The following SEC16B variants were observed in gnomAD, a reference collection of about 807,000 sequenced individuals.
SEC16B encodes the protein protein transport protein Sec16B.
SEC16B carries 115 observed loss-of-function variants against 141.8 expected under a neutral mutation model. That is an observed-to-expected ratio of 0.81 (90% CI 0.70 to 0.95). The LOEUF is 0.95. Among genes scored for constraint, SEC16B ranks in the 40% least tolerant of loss-of-function variants. The pLI, the probability that SEC16B is intolerant of heterozygous loss-of-function variation, is 0.00. For missense variants in SEC16B, 1,291 were observed against 1,312.3 expected (o/e 0.98, Z 0.25); for synonymous variants, 493 against 492.5 (o/e 1.00, Z -0.01).
chr1:177,940,641 T>C lies in SEC16B; in HGVS notation c.2096A>G (p.Asp699Gly), dbSNP rs781762721. 10 of 1,613,884 alleles carry C rather than the reference T, an allele frequency of 6.2e-6. No homozygotes were observed. The highest frequency in any genetic ancestry group is 7.6e-6 in the Non-Finnish European group (9 of 1,179,832). The change falls in exon 17 of 26, where the codon GAT becomes GGT. Residue 699 changes from aspartate (D) to glycine (G), a missense_variant. Physicochemically the swap from Asp to Gly is moderately conservative, Grantham distance 94 (BLOSUM62 -1). Around this residue, in one of 3 missense-constraint regions of SEC16B, gnomAD observed 605 missense variants for 614.1 expected, o/e 0.99. Transcript: ENST00000308284. Reference sequence around the variant, plus strand: ...CTGCCTCCGAAGTTGCGCTAGCCAATCTGGCTCCAGGTCCCTGTCTCCACT... The same window carrying C: ...CTGCCTCCGAAGTTGCGCTAGCCAACCTGGCTCCAGGTCCCTGTCTCCACT... ...RRSGDRDLEP[D>G]WLAQLRRQLE...
chr1:177,967,539 G>A (rs1653630764), intron 2 of SEC16B, 144 bp downstream of exon 2: 1 of 785,204 alleles, frequency 1.3e-6, no homozygotes. Context: ...GGAGAGGACA[G>A]GATTTAGCTA....
At chr1:177,931,118 T>A (rs1213169006) in intron 24 of SEC16B, among the ~76,000 whole-genome samples, 1 of 152,208 alleles carries the variant, frequency 6.6e-6, no homozygotes, top group Non-Finnish European at 1.5e-5. Context: ...AAAATACACT[T>A]GCACAAGTAT....
At chr1:177,951,771 G>T in intron 12 of SEC16B, 143 bp downstream of exon 12, 1 of 689,510 alleles carries the variant, frequency 1.5e-6, no homozygotes. Context: ...ACTTAGCACA[G>T]GGCCTGGCAC....
At chr1:177,944,324 A>G (rs1384528495) in intron 15 of SEC16B, among the ~76,000 whole-genome samples, 3 of 152,218 alleles carry the variant, frequency 2.0e-5, no homozygotes, top group Non-Finnish European at 4.4e-5. Context: ...AAACATCAGC[A>G]GTGAGGCAGG....
intron 5 of SEC16B, 101 bp downstream of exon 5, chr1:177,964,070 C>T (rs902078975): frequency 3.9e-6 from 3 of 772,316 alleles, no homozygotes; most frequent in Non-Finnish European, 6.2e-6. Flanking sequence ...AGACGGCTGG[C>T]CACTGGACAT....
Position 177,983,050 on chromosome 1 carries a change from G to C in SEC16B, c.-59+1156C>G, listed in dbSNP as rs368640890. On this transcript the variant is annotated intron_variant and NMD_transcript_variant, in intron 1 of 24. Coordinates refer to the SEC16B transcript ENST00000528461. ...AGAATATCTCAATCTGATGAGGCCT[G>C]GCTGGTGACATGTGAGATCCATTTC... Among the ~76,000 whole-genome samples, 4 of 152,268 alleles carry C rather than the reference G, an allele frequency of 2.6e-5. No individual in the cohort carries two copies. The East Asian group carries it at 5.8e-4, about 22-fold the overall frequency.
chr1:177,934,899 G>A (rs145839761), intron 20 of SEC16B, among the ~76,000 whole-genome samples: 18 of 152,174 alleles, frequency 1.2e-4, no homozygotes, highest in East Asian at 3.9e-4. Flanking sequence ...ACCAGAATGC[G>A]AGCTCCTTAC....
intron 22 of SEC16B, 102 bp downstream of exon 22, chr1:177,933,112 G>A: frequency 1.1e-6 from 1 of 908,474 alleles, no homozygotes; most frequent in Non-Finnish European, 1.7e-6. Flanking sequence ...CATGTGGCCT[G>A]GGGTAGACTC....
At chr1:177,956,459 A>C (rs1652608795) in intron 10 of SEC16B, among the ~76,000 whole-genome samples, 1 of 152,204 alleles carries the variant, frequency 6.6e-6, no homozygotes, top group African/African-American at 2.4e-5. Context: ...AGAGAAAATA[A>C]CAATATATGC....
chr1:177,956,080 G>A (rs1171290470), intron 10 of SEC16B, among the ~76,000 whole-genome samples: 2 of 152,194 alleles, frequency 1.3e-5, no homozygotes, highest in African/African-American at 4.8e-5. Flanking sequence ...TTTTGGTACT[G>A]GCCATAGCCT....
At chr1:177,936,747 C>G (rs1650872053) in intron 19 of SEC16B, among the ~76,000 whole-genome samples, 1 of 152,198 alleles carries the variant, frequency 6.6e-6, no homozygotes, top group African/African-American at 2.4e-5. Flanking sequence ...CCTGGCATCA[C>G]TCAGCATTGC....
Position 177,952,911 on chromosome 1 carries a change from T to A in SEC16B, c.1464-916A>T, listed in dbSNP as rs191982540. ...TCTCCAGGAAGACTGAGGGGTGGAG[T>A]CGTCATGAGACTCAACTAGGCCATC... On this transcript the variant is annotated intron_variant, in intron 11 of 25. Transcript: ENST00000308284. Among the ~76,000 whole-genome samples, 1,097 of 150,948 alleles carry A rather than the reference T, an allele frequency of 7.3e-3. 17 individuals are homozygous for A. The highest frequency in any genetic ancestry group is 0.026 in the African/African-American group (1,051 of 41,062).
At chr1:177,957,542 A>G (rs925466760) in intron 10 of SEC16B, among the ~76,000 whole-genome samples, 1 of 152,228 alleles carries the variant, frequency 6.6e-6, no homozygotes, top group Admixed American at 6.5e-5. Context: ...CATAGTAGGT[A>G]TATATATTTA....
intron 12 of SEC16B, among the ~76,000 whole-genome samples, chr1:177,949,948 CAAAAA>C (rs10700670): frequency 6.7e-6 from 1 of 148,664 alleles, no homozygotes; most frequent in African/African-American, 2.5e-5. Context: ...TCTACTATTA[CAAAAA>C]AAAAAAATGA....
At chr1:177,978,902 G>A (rs573855253) in intron 1 of SEC16B, among the ~76,000 whole-genome samples, 20 of 151,840 alleles carry the variant, frequency 1.3e-4, no homozygotes, top group South Asian at 2.1e-4. Flanking sequence ...CTGCTCTGTC[G>A]CTCATCATAA....
intron 24 of SEC16B, 132 bp from the exon 25 acceptor site, chr1:177,930,775 C>T (rs895304482): frequency 5.1e-6 from 3 of 585,016 alleles, no homozygotes; most frequent in African/African-American, 3.7e-5. Context: ...TATCGACTCT[C>T]CAAAGGACAT....
intron 17 of SEC16B, among the ~76,000 whole-genome samples, chr1:177,940,047 C>A (rs1651161693): frequency 6.6e-6 from 1 of 152,078 alleles, no homozygotes; most frequent in Admixed American, 6.5e-5. Flanking sequence ...GGCCTCAGCA[C>A]GTGCAGCAGA....
At chr1:177,976,735 T>C (rs1034349181) in intron 1 of SEC16B, among the ~76,000 whole-genome samples, 4 of 152,204 alleles carry the variant, frequency 2.6e-5, no homozygotes, top group Non-Finnish European at 4.4e-5. Flanking sequence ...GGAAATACCA[T>C]AAATTGCCTA....
intron 1 of SEC16B, among the ~76,000 whole-genome samples, chr1:177,968,838 T>C (rs1249247112): frequency 6.6e-6 from 1 of 152,086 alleles, no homozygotes; most frequent in African/African-American, 2.4e-5. Flanking sequence ...CATAAGAAAA[T>C]AGAAGGCCAT....
Sources: allele counts gnomAD v4.1 joint callset (sites outside exome capture counted in the v4.1 genomes callset), GRCh38; gene constraint gnomAD v4.1.1; regional missense constraint gnomAD v4.1.1; transcripts MANE v1.5; gene names NCBI Gene and HGNC (gene_info 2026-07-23, HGNC 2026-07-21).